Variants in HERC1 observed in about 807,000 individuals in gnomAD.
HERC1 encodes probable E3 ubiquitin-protein ligase HERC1.
In HERC1, 160 loss-of-function variants were observed where a neutral mutation model predicts 554.3. That is an observed-to-expected ratio of 0.29 (90% CI 0.25 to 0.33). The LOEUF (loss-of-function observed/expected upper bound fraction) is 0.33, where lower values mean the gene tolerates loss of function less well. HERC1 is among the 10% of genes least tolerant of loss of function. The probability of loss-of-function intolerance (pLI) is 1.00; values close to 1 mark genes in which losing one functional copy is unlikely to be tolerated. For synonymous variants in HERC1, 2,175 were observed against 2,131.7 expected (o/e 1.02, Z -0.56); for missense variants, 4,919 against 5,918.5 (o/e 0.83, Z 5.54).
intron 1 of HERC1, among the ~76,000 whole-genome samples, chr15:63,806,467 A>G (rs1262439302): frequency 6.6e-6 from 1 of 152,042 alleles, no homozygotes; most frequent in Non-Finnish European, 1.5e-5. Flanking sequence ...TACATTTATC[A>G]TACTCTGCCT....
At chr15:63,736,571 G>C (rs1035646700) in intron 12 of HERC1, among the ~76,000 whole-genome samples, 2 of 151,194 alleles carry the variant, frequency 1.3e-5, no homozygotes, top group Non-Finnish European at 2.9e-5. Context: ...TCTCTGTGTA[G>C]AGAACTTTTA....
intron 38 of HERC1, among the ~76,000 whole-genome samples, chr15:63,673,874 G>A (rs1056080821): frequency 3.3e-5 from 5 of 152,104 alleles, no homozygotes; most frequent in African/African-American, 9.7e-5. Context: ...AAAGGCACAC[G>A]CCATTATGCC....
intron 1 of HERC1, among the ~76,000 whole-genome samples, chr15:63,816,883 A>G (rs996670034): frequency 7.9e-5 from 12 of 152,376 alleles, no homozygotes; most frequent in African/African-American, 2.9e-4. Context: ...AGCAATTATC[A>G]TCAACAGCTG....
Position 63,689,668 on chromosome 15 carries a change from T to C in HERC1, c.5969A>G (p.Asp1990Gly). Reference sequence around the variant, plus strand: ...AGCAATGGGTGTCTCCCACATACAATCAGAGAGAAGGGAAAATAAGCGCTC... The same window carrying C: ...AGCAATGGGTGTCTCCCACATACAACCAGAGAGAAGGGAAAATAAGCGCTC... ...IVERLFSLLSDCMWETPIAQA... is the reference protein window; with the variant it reads ...IVERLFSLLSGCMWETPIAQA... The change falls in exon 33 of 78, where the codon GAT becomes GGT. Residue 1990 changes from aspartate (D) to glycine (G), a missense_variant. Asp to Gly is a moderately conservative substitution (Grantham distance 94). Coordinates refer to ENST00000443617, the MANE Select transcript of HERC1 (RefSeq NM_003922.4). 1.9e-6 allele frequency: 3 copies of C among 1,586,850 alleles called. No homozygotes were observed. The highest frequency in any genetic ancestry group is 2.3e-5 in the East Asian group (1 of 44,104).
chr15:63,781,220 A>G (rs1422210451), intron 1 of HERC1, among the ~76,000 whole-genome samples: 1 of 152,176 alleles, frequency 6.6e-6, no homozygotes, highest in Non-Finnish European at 1.5e-5. Flanking sequence ...TGGCAACCAC[A>G]GTAATAGAGA....
intron 24 of HERC1, among the ~76,000 whole-genome samples, chr15:63,707,304 C>A (rs1194748242): frequency 1.3e-5 from 2 of 152,216 alleles, no homozygotes; most frequent in Non-Finnish European, 2.9e-5. Context: ...AGAAAAATAA[C>A]AGTCCTAAAC....
At chr15:63,820,941 T>C (rs546677426) in intron 1 of HERC1, among the ~76,000 whole-genome samples, 14 of 152,318 alleles carry the variant, frequency 9.2e-5, no homozygotes, top group African/African-American at 3.4e-4. Context: ...GCTTAAACAC[T>C]TGCAACCAGA....
rs1186480659 is a variant in HERC1 at position 63,727,763 on chromosome 15, A to G, written c.3230T>C (p.Val1077Ala). The change falls in exon 17 of 78, where the codon GTG (valine) becomes GCG (alanine). Residue 1077 changes from valine (V) to alanine (A), a missense_variant. Around this residue, in one of 11 missense-constraint regions of HERC1, gnomAD observed 1,121 missense variants for 1,244.0 expected, o/e 0.90. Coordinates refer to ENST00000443617, the MANE Select transcript of HERC1 (RefSeq NM_003922.4). The surrounding 1 kb of genome is among the most constrained non-coding windows in gnomAD (Gnocchi z 4.3). ...VNSLLLLPVS[V>A]ARPLLSYLLD... is the part of the protein sequence containing the mutation. ...GAGGTAACTCAATAAAGGCCGAGCC[A>G]CTGACACAGGGAGTAACAGCAGGGA... The G allele has an allele frequency of 6.2e-6, 10 of 1,614,020 alleles. No homozygotes were observed. Among genetic ancestry groups the G allele is most frequent in the Non-Finnish European group, 8.5e-6 (10 of 1,179,874 alleles).
chr15:63,717,172 T>G (rs1335424388), intron 21 of HERC1, among the ~76,000 whole-genome samples: 1 of 152,168 alleles, frequency 6.6e-6, no homozygotes, highest in Admixed American at 6.5e-5. Context: ...TTTAAGACTT[T>G]TACAGAGATG....
Position 63,734,910 on chromosome 15 carries a change from A to G in HERC1, c.2521-61T>C, listed in dbSNP as rs1291424524. On this transcript the variant is annotated intron_variant, in intron 12 of 77. Transcript: ENST00000443617. This position sits in a 1 kb window ranked among gnomAD's most constrained non-coding sequence, Gnocchi z 4.6. ...GGTTCTTAGTTTTTAATAAAAACACACTTAAAGCGAACTCACTGACTACTA... is the reference window on the plus strand; with the variant it reads ...GGTTCTTAGTTTTTAATAAAAACACGCTTAAAGCGAACTCACTGACTACTA... 10 of 1,435,878 alleles carry G rather than the reference A, an allele frequency of 7.0e-6. No individual in the cohort carries two copies. The highest frequency in any genetic ancestry group is 2.1e-5 in the Admixed American group (1 of 46,546). The allele number at this position is 1,435,878 out of a possible 1,614,324, so 88.9% of individuals were successfully genotyped here. A position where few individuals can be genotyped will look rare whatever the true frequency, so the allele number is the denominator to read the frequency against.
Position 63,612,169 on chromosome 15 carries a change from CAG to C in HERC1, c.14400+80_14400+81del. On this transcript the variant is annotated intron_variant, in intron 77 of 77. Transcript: ENST00000443617. The surrounding 1 kb of genome is among the most constrained non-coding windows in gnomAD (Gnocchi z 5.0). The stretch of plus-strand genomic sequence containing the variant: ...TGCCACTGCACTCCAGCCTGGGCCA[CAG>C]AGTGAGACCCTGTCTCAACAAAAAC... 1 of 1,273,266 alleles carries C rather than the reference CAG, an allele frequency of 7.9e-7. No homozygotes were observed. The highest frequency in any genetic ancestry group is 1.1e-6 in the Non-Finnish European group (1 of 925,748). The allele number at this position is 1,273,266 out of a possible 1,614,324, so 78.9% of individuals were successfully genotyped here. A position where few individuals can be genotyped will look rare whatever the true frequency, so the allele number is the denominator to read the frequency against.
chr15:63,658,645 G>A lies in HERC1; in HGVS notation c.9498C>T (p.Asn3166=). 1.9e-6 allele frequency: 3 copies of A among 1,613,880 alleles called. No homozygotes were observed. The highest frequency in any genetic ancestry group is 2.5e-6 in the Non-Finnish European group (3 of 1,179,792). Residue 3166 remains asparagine, a synonymous_variant, in exon 48 of 78, where the codon AAC becomes AAT. Transcript: ENST00000443617. ...TTAAAGCCACCACACGGTCATGAGG[G>A]TTTGCTAGGGCAGCTGCCTGCTCTC... ...TLGEQAAALA[N]PHDRVVALRR...
chr15:63,682,303 A>G (rs570671172), intron 34 of HERC1, among the ~76,000 whole-genome samples: 1 of 152,310 alleles, frequency 6.6e-6, no homozygotes, highest in South Asian at 2.1e-4. Context: ...TAAAGTTAGG[A>G]AAAAAGAGCA....
chr15:63,753,227 A>T (rs545803531), intron 7 of HERC1, 142 bp from the exon 8 acceptor site: 203 of 510,318 alleles, frequency 4.0e-4, no homozygotes, highest in African/African-American at 3.5e-3. Context: ...ATAGCTGAGG[A>T]TGTTAACAAA....
chr15:63,729,361 C>T lies in HERC1; in HGVS notation c.3029G>A (p.Ser1010Asn). ...ATGTTTATGAAGCAATGCCACACTG[C>T]TTGAGTTCTAAGAAGAAAAAAAGTT... Reference protein sequence around the residue: ...CHINNISENSSSVALLHKHLQ... With the variant: ...CHINNISENSNSVALLHKHLQ... The change falls in exon 16 of 78, where the codon AGC (serine) becomes AAC (asparagine). Residue 1010 changes from serine (S) to asparagine (N), a missense_variant. This residue lies in a region of HERC1 where 1,121 missense variants were observed against 1,244.0 expected (regional missense o/e 0.90). Coordinates refer to ENST00000443617, the MANE Select transcript of HERC1 (RefSeq NM_003922.4). 1 of 1,602,374 alleles carries T rather than the reference C, an allele frequency of 6.2e-7. No homozygotes were observed. Among genetic ancestry groups the T allele is most frequent in the Non-Finnish European group, 8.5e-7 (1 of 1,176,156 alleles).
chr15:63,612,254 A>T lies in HERC1; in HGVS notation c.14397T>A (p.Asp4799Glu). ...ISQRFQIMKVDRPYDSLPTSQ... is the reference protein window; with the variant it reads ...ISQRFQIMKVERPYDSLPTSQ... ...GAAAAAAGAATAGCTTACTTACCCT[A>T]TCAACCTTCATGATTTGAAATCTCT... The change falls in exon 77 of 78, where the codon GAT becomes GAA. Residue 4799 changes from aspartate to glutamate, a missense_variant. Physicochemically the swap from Asp to Glu is conservative, Grantham distance 45. Coordinates refer to ENST00000443617, the MANE Select transcript of HERC1 (RefSeq NM_003922.4). This position sits in a 1 kb window ranked among gnomAD's most constrained non-coding sequence, Gnocchi z 5.0. The T allele has an allele frequency of 6.2e-7, 1 of 1,605,320 alleles. No individual in the cohort carries two copies. The highest frequency in any genetic ancestry group is 8.5e-7 in the Non-Finnish European group (1 of 1,173,578).
At chr15:63,795,734 AAGAGAC>A (rs1454568572) in intron 1 of HERC1, among the ~76,000 whole-genome samples, 1 of 152,194 alleles carries the variant, frequency 6.6e-6, no homozygotes, top group African/African-American at 2.4e-5. Flanking sequence ...CACCGAACAA[AAGAGAC>A]AGGGTCATTT....
In HERC1 at chr15:63,686,376, C is replaced by T. The variant is rs776580636; in HGVS notation, c.6208G>A (p.Gly2070Arg). Reference sequence around the variant, plus strand: ...CTACGTACCTTCCACTGATAGCACCCAGAAGTTACTCCTGTAGATGCCAAT... The same window carrying T: ...CTACGTACCTTCCACTGATAGCACCTAGAAGTTACTCCTGTAGATGCCAAT... Reference protein sequence around the residue: ...YGLASTGVTSGCYQWKFYIVK... With the variant: ...YGLASTGVTSRCYQWKFYIVK... Residue 2070 changes from glycine to arginine, a missense_variant, in exon 34 of 78, where the codon GGG (glycine) becomes AGG (arginine). By Grantham distance (125) the Gly-to-Arg change is moderately radical. Coordinates refer to ENST00000443617, the MANE Select transcript of HERC1 (RefSeq NM_003922.4). The T allele has an allele frequency of 6.2e-7, 1 of 1,608,522 alleles. No individual in the cohort carries two copies.
At chr15:63,678,604 C>T (rs1277792986) in intron 36 of HERC1, among the ~76,000 whole-genome samples, 1 of 151,974 alleles carries the variant, frequency 6.6e-6, no homozygotes, top group Non-Finnish European at 1.5e-5. Context: ...TCATGAATTC[C>T]AGAGATGTTA....
Sources: gnomAD v4.1 joint callset for allele counts (sites outside exome capture counted in the v4.1 genomes callset) on GRCh38, gnomAD v4.1.1 for gene constraint, gnomAD v4.1.1 regional missense constraint, Gnocchi (gnomAD v3.1) non-coding constraint, MANE v1.5 for transcripts, NCBI Gene and HGNC (gene_info 2026-07-23, HGNC 2026-07-21) for gene names.